PKP4: variants seen among roughly 807,000 people sequenced by gnomAD.
The protein encoded by PKP4 is plakophilin-4.
A neutral mutation model predicts 145.1 loss-of-function variants in PKP4; 90 were observed. The observed-to-expected ratio is 0.62, with a 90% confidence interval of 0.52 to 0.74. The LOEUF is 0.74. Among genes scored for constraint, PKP4 ranks in the 30% least tolerant of loss-of-function variants. The pLI is 0.00. For missense variants in PKP4, 1,340 were observed against 1,482.7 expected, an observed-to-expected ratio of 0.90 and a Z score of 1.58; for synonymous variants, 563 against 577.2, an observed-to-expected ratio of 0.98 and a Z score of 0.35.
intron 8 of PKP4, chr2:158,632,610 T>C (rs983357227): frequency 6.6e-6 from 1 of 151,912 alleles, no homozygotes. Context: ...CACGGCTAGC[T>C]CATGGAGTCT....
chr2:158,666,180 A>T (rs374991380), intron 15 of PKP4: 16 of 315,188 alleles, frequency 5.1e-5, no homozygotes, highest in African/African-American at 3.2e-4. Context: ...TATCTGGCAG[A>T]TGGTGGTTTG....
intron 1 of PKP4, among the ~76,000 whole-genome samples, chr2:158,464,821 T>C (rs930197527): frequency 6.6e-6 from 1 of 152,244 alleles, no homozygotes; most frequent in Non-Finnish European, 1.5e-5. Context: ...ACTTTATTCC[T>C]GTATACCACT....
intron 1 of PKP4, among the ~76,000 whole-genome samples, chr2:158,467,263 A>G (rs1004836501): frequency 8.5e-5 from 13 of 152,162 alleles, no homozygotes; most frequent in South Asian, 8.3e-4. Flanking sequence ...CTATATTACA[A>G]TGTCACAACC....
At chr2:158,534,025 C>CCTGCTT (rs2043818125) in intron 2 of PKP4, among the ~76,000 whole-genome samples, 1 of 150,802 alleles carries the variant, frequency 6.6e-6, no homozygotes, top group Non-Finnish European at 1.5e-5. Context: ...TTTTTTTTTC[C>CCTGCTT]CTGCTTCTTC....
chr2:158,463,181 C>T (rs937695475), intron 1 of PKP4, among the ~76,000 whole-genome samples: 5 of 152,032 alleles, frequency 3.3e-5, no homozygotes, highest in African/African-American at 9.7e-5. Flanking sequence ...TAGCTTCTTG[C>T]GGTAGGCAAT....
intron 2 of PKP4, among the ~76,000 whole-genome samples, chr2:158,574,819 C>T (rs1433812993): frequency 2.0e-5 from 3 of 152,104 alleles, no homozygotes; most frequent in Non-Finnish European, 4.4e-5. Context: ...GCTCTGCATC[C>T]AGTAGGGATA....
chr2:158,522,418 A>T (rs957987545), intron 1 of PKP4, among the ~76,000 whole-genome samples: 1 of 151,556 alleles, frequency 6.6e-6, no homozygotes, highest in Non-Finnish European at 1.5e-5. Context: ...CCTGTTAATC[A>T]CTGATAGTTG....
chr2:158,580,056 A>G (rs1245121717), intron 3 of PKP4, among the ~76,000 whole-genome samples: 1 of 152,178 alleles, frequency 6.6e-6, no homozygotes, highest in Non-Finnish European at 1.5e-5. Flanking sequence ...GTAGCATTTT[A>G]TTCAAGAGCC....
At chr2:158,614,814 A>C (rs547189388) in intron 4 of PKP4, among the ~76,000 whole-genome samples, 2 of 152,306 alleles carry the variant, frequency 1.3e-5, no homozygotes, top group African/African-American at 4.8e-5. Context: ...GAAATGTGCT[A>C]CTATCTAAAA....
chr2:158,673,315 G>A (rs1334804239), intron 17 of PKP4, among the ~76,000 whole-genome samples: 2 of 152,218 alleles, frequency 1.3e-5, no homozygotes, highest in East Asian at 1.9e-4. Context: ...CACTCAGAAT[G>A]TAGAGTCATG....
At chr2:158,549,940 T>A (rs953319554) in intron 2 of PKP4, among the ~76,000 whole-genome samples, 6 of 152,228 alleles carry the variant, frequency 3.9e-5, no homozygotes, top group Non-Finnish European at 7.3e-5. Flanking sequence ...GTTGTAGTTT[T>A]AAAATTATTC....
At chr2:158,629,279 A>C (rs1482823570) in intron 7 of PKP4, among the ~76,000 whole-genome samples, 1 of 152,054 alleles carries the variant, frequency 6.6e-6, no homozygotes, top group African/African-American at 2.4e-5. Context: ...TTTCCTCACC[A>C]TGTGCCGTTG....
chr2:158,591,388 C>T (rs2049266751), intron 3 of PKP4, among the ~76,000 whole-genome samples: 1 of 151,674 alleles, frequency 6.6e-6, no homozygotes, highest in South Asian at 2.1e-4. Context: ...GTATTTATTA[C>T]TGAAGTAATA....
chr2:158,617,287 A>G (rs1290769324), intron 4 of PKP4, among the ~76,000 whole-genome samples: 1 of 151,992 alleles, frequency 6.6e-6, no homozygotes, highest in African/African-American at 2.4e-5. Flanking sequence ...AGTTCCCCAT[A>G]GTATATTTCT....
intron 3 of PKP4, among the ~76,000 whole-genome samples, chr2:158,602,629 TATTCA>T (rs1258134397): frequency 6.6e-6 from 1 of 152,246 alleles, no homozygotes; most frequent in Non-Finnish European, 1.5e-5. Context: ...TATAAGGCAA[TATTCA>T]ATTCAAAAGT....
Position 158,680,855 on chromosome 2 carries a change from G to C in PKP4, c.*178G>C. 1 of 596,252 alleles carries C rather than the reference G, an allele frequency of 1.7e-6. No homozygotes were observed. Among genetic ancestry groups the C allele is most frequent in the Non-Finnish European group, 2.9e-6 (1 of 347,450 alleles). The allele number at this position is 596,252 out of a possible 1,614,324, so 36.9% of individuals were successfully genotyped here. A position where few individuals can be genotyped will look rare whatever the true frequency, so the allele number is the denominator to read the frequency against. On this transcript the variant is annotated 3_prime_UTR_variant, in exon 22 of 22. Coordinates refer to ENST00000389759, the MANE Select transcript of PKP4 (RefSeq NM_003628.6). ...GGGAAGTGAGGAAATGTTTGGGAGA[G>C]GACTTTCTAAGCTCTATTTAGGTGT...
chr2:158,652,160 T>C (rs1370957565), intron 11 of PKP4, among the ~76,000 whole-genome samples: 2 of 152,238 alleles, frequency 1.3e-5, no homozygotes, highest in Admixed American at 6.5e-5. Flanking sequence ...CTAAGAAATA[T>C]AAAAATTATT....
intron 11 of PKP4, among the ~76,000 whole-genome samples, chr2:158,651,888 C>T (rs889304441): frequency 2.6e-5 from 4 of 151,890 alleles, no homozygotes; most frequent in African/African-American, 9.7e-5. Context: ...ACAGGATATT[C>T]AAGCCATACC....
chr2:158,523,109 A>G (rs2042565702), intron 1 of PKP4, among the ~76,000 whole-genome samples: 1 of 152,176 alleles, frequency 6.6e-6, no homozygotes. Context: ...CCTCAAAGCT[A>G]CAACTGGGTG....
Sources: gnomAD v4.1 joint callset for allele counts (sites outside exome capture counted in the v4.1 genomes callset) on GRCh38, gnomAD v4.1.1 for gene constraint, MANE v1.5 for transcripts, NCBI Gene and HGNC (gene_info 2026-07-23, HGNC 2026-07-21) for gene names.